Variants in NLGN1 observed in about 807,000 individuals in gnomAD.
NLGN1 encodes the protein neuroligin-1.
A neutral mutation model predicts 65.5 loss-of-function variants in NLGN1; 12 were observed. That is an observed-to-expected ratio of 0.18 (90% CI 0.12 to 0.30). The LOEUF (loss-of-function observed/expected upper bound fraction) is 0.30, where lower values mean the gene tolerates loss of function less well. NLGN1 is among the 10% of genes least tolerant of loss of function. The probability of loss-of-function intolerance (pLI) is 1.00; values close to 1 mark genes in which losing one functional copy is unlikely to be tolerated. For synonymous variants in NLGN1, 350 were observed against 359.5 expected, an observed-to-expected ratio of 0.97 and a Z score of 0.30; for missense variants, 750 against 1,007.1, an observed-to-expected ratio of 0.74 and a Z score of 3.46.
chr3:173,600,302 G>A (rs1281652736), intron 2 of NLGN1, among the ~76,000 whole-genome samples: 2 of 151,736 alleles, frequency 1.3e-5, no homozygotes, highest in African/African-American at 4.8e-5. Context: ...TAACTACCAT[G>A]AATAACAAGG....
At chr3:173,597,643 T>A (rs1749703863) in intron 2 of NLGN1, among the ~76,000 whole-genome samples, 1 of 151,992 alleles carries the variant, frequency 6.6e-6, no homozygotes. Flanking sequence ...TATATGTTAC[T>A]TTTTAGTAAA....
chr3:174,277,749 T>G (rs959958232), intron 5 of NLGN1, among the ~76,000 whole-genome samples: 1 of 151,904 alleles, frequency 6.6e-6, no homozygotes, highest in African/African-American at 2.4e-5. Flanking sequence ...ATGTTGAATA[T>G]ATAGGCATAT....
chr3:174,080,357 G>C (rs1741903892), intron 4 of NLGN1, among the ~76,000 whole-genome samples: 1 of 152,156 alleles, frequency 6.6e-6, no homozygotes, highest in South Asian at 2.1e-4. Flanking sequence ...AAATTTTACA[G>C]GAGTGAAAGT....
chr3:174,264,499 T>A (rs1747608071), intron 4 of NLGN1, among the ~76,000 whole-genome samples: 1 of 150,858 alleles, frequency 6.6e-6, no homozygotes, highest in African/African-American at 2.4e-5. Context: ...TCTGCATTCT[T>A]CACGTAGTTC....
At chr3:174,286,605 C>T (rs1227983986) in exon 7 of NLGN1, 4 of 151,572 alleles carry the variant, frequency 2.6e-5, no homozygotes, top group Non-Finnish European at 5.9e-5. Flanking sequence ...TCATTAAAAA[C>T]GTGTTTATTA....
At chr3:173,880,325 G>A (rs1732969534) in intron 4 of NLGN1, among the ~76,000 whole-genome samples, 1 of 151,826 alleles carries the variant, frequency 6.6e-6, no homozygotes. Flanking sequence ...GATGAAGGTA[G>A]ATGTTTTCTA....
intron 4 of NLGN1, among the ~76,000 whole-genome samples, chr3:173,924,316 T>C (rs904670742): frequency 6.6e-6 from 1 of 152,096 alleles, no homozygotes; most frequent in Non-Finnish European, 1.5e-5. Flanking sequence ...TAAAGGTCTC[T>C]CAAACGTGAA....
At chr3:174,139,957 T>C (rs1721995789) in intron 4 of NLGN1, among the ~76,000 whole-genome samples, 1 of 152,222 alleles carries the variant, frequency 6.6e-6, no homozygotes, top group African/African-American at 2.4e-5. Flanking sequence ...TTTCTTACTG[T>C]TGAGCTTTGA....
In NLGN1 at chr3:173,941,715, T is replaced by C. The variant is rs531290947; in HGVS notation, c.646+133883T>C. On this transcript the variant is annotated intron_variant, in intron 4 of 6. Transcript: ENST00000457714. ...ATAGTGTGTATATATATATAAATAC[T>C]ATATATTTGTAGAAAAACTGTGTTA... Among the ~76,000 whole-genome samples, 62 of 151,984 alleles carry C rather than the reference T, an allele frequency of 4.1e-4. 1 individual carries two copies. Among genetic ancestry groups the C allele is most frequent in the African/African-American group, 1.4e-3 (57 of 41,458 alleles).
At chr3:174,082,199 T>G (rs1742378704) in intron 4 of NLGN1, among the ~76,000 whole-genome samples, 1 of 152,172 alleles carries the variant, frequency 6.6e-6, no homozygotes, top group African/African-American at 2.4e-5. Flanking sequence ...CATCCGAGGA[T>G]TCTCTGTTGA....
chr3:174,053,470 G>A (rs79962688), intron 4 of NLGN1, among the ~76,000 whole-genome samples: 9,027 of 151,922 alleles, frequency 0.059, 487 homozygotes, highest in African/African-American at 0.14. Context: ...AATTGATTCT[G>A]TTTTTTCAGT....
intron 4 of NLGN1, among the ~76,000 whole-genome samples, chr3:173,859,692 T>A (rs1457369939): frequency 6.6e-6 from 1 of 152,098 alleles, no homozygotes; most frequent in Admixed American, 6.6e-5. Context: ...AGTTTTCTCA[T>A]CTATATATTG....
At chr3:173,594,762 C>A (rs1749162980) in intron 2 of NLGN1, among the ~76,000 whole-genome samples, 1 of 152,248 alleles carries the variant, frequency 6.6e-6, no homozygotes, top group Admixed American at 6.5e-5. Context: ...ATCCATACAT[C>A]TTCTGAAATC....
chr3:173,752,092 C>T (rs1242945083), intron 3 of NLGN1, among the ~76,000 whole-genome samples: 1 of 152,012 alleles, frequency 6.6e-6, no homozygotes, highest in African/African-American at 2.4e-5. Flanking sequence ...TGGACATATG[C>T]CCTGTATTTG....
intron 1 of NLGN1, among the ~76,000 whole-genome samples, chr3:173,401,464 A>G (rs1717692463): frequency 6.6e-6 from 1 of 152,024 alleles, no homozygotes; most frequent in Non-Finnish European, 1.5e-5. Flanking sequence ...GGTAGAGGAC[A>G]CATGATAAGA....
chr3:173,721,843 G>A (rs1770880623), intron 3 of NLGN1, among the ~76,000 whole-genome samples: 1 of 152,004 alleles, frequency 6.6e-6, no homozygotes, highest in Non-Finnish European at 1.5e-5. Flanking sequence ...TAATGAATTG[G>A]GAAAGTGGCC....
intron 4 of NLGN1, among the ~76,000 whole-genome samples, chr3:174,142,789 G>A (rs184534531): frequency 2.2e-4 from 34 of 152,284 alleles, no homozygotes; most frequent in African/African-American, 7.5e-4. Flanking sequence ...AAAGACATAT[G>A]CATTTATATT....
At chr3:173,572,703 GT>G (rs1354204583) in intron 2 of NLGN1, among the ~76,000 whole-genome samples, 1 of 152,208 alleles carries the variant, frequency 6.6e-6, no homozygotes, top group Non-Finnish European at 1.5e-5. Flanking sequence ...AACCAAATAT[GT>G]TGCTGTGAAT....
rs371709169 is a variant in NLGN1, at chr3:173,758,637, G to A, written c.494-49043G>A. Among the ~76,000 whole-genome samples, 12 of 151,748 alleles carry A rather than the reference G, an allele frequency of 7.9e-5. No individual in the cohort carries two copies. The East Asian group carries it at 9.7e-4, about 12-fold the overall frequency. On this transcript the variant is annotated intron_variant, in intron 3 of 6. Transcript: ENST00000457714. Reference sequence around the variant, plus strand: ...CCAGACATGTCTTGCTCTGACTTTTGTAACATATCCTTATTCTTCAACCAA... The same window carrying A: ...CCAGACATGTCTTGCTCTGACTTTTATAACATATCCTTATTCTTCAACCAA...
Sources: gnomAD v4.1 joint callset for allele counts (sites outside exome capture counted in the v4.1 genomes callset) on GRCh38, gnomAD v4.1.1 for gene constraint, MANE v1.5 for transcripts, NCBI Gene and HGNC (gene_info 2026-07-23, HGNC 2026-07-21) for gene names.